TGFBRAP1: variants seen among roughly 807,000 people sequenced by gnomAD.
TGFBRAP1 encodes the protein transforming growth factor beta receptor associated protein 1, also known as transforming growth factor-beta receptor-associated protein 1.
Under a neutral mutation model 83.2 loss-of-function variants are expected in TGFBRAP1, and 20 were observed. The observed-to-expected ratio is 0.24, with a 90% CI of 0.17 to 0.35. TGFBRAP1 has a LOEUF of 0.35. TGFBRAP1 is among the 10% of genes least tolerant of loss of function. The pLI, the probability that TGFBRAP1 is intolerant of heterozygous loss-of-function variation, is 1.00. For missense variants in TGFBRAP1, 950 were observed against 1,099.4 expected (o/e 0.86, Z 1.92); for synonymous variants, 415 against 459.8 (o/e 0.90, Z 1.25).
chr2:105,254,992 G>A, the TGFBRAP1 span, among the ~76,000 whole-genome samples: 2 of 152,298 alleles, frequency 1.3e-5, no homozygotes, highest in South Asian at 4.1e-4. Context: ...TGAGAACTAA[G>A]TTTCTGTTGC....
chr2:105,252,248 GAGAGTCAC>G, the TGFBRAP1 span, among the ~76,000 whole-genome samples: 2 of 152,312 alleles, frequency 1.3e-5, no homozygotes, highest in East Asian at 3.9e-4. Flanking sequence ...ACCATAACAA[GAGAGTCAC>G]TAAGCTCACT....
chr2:105,296,639 T>G (rs1678099362), intron 3 of TGFBRAP1, 129 bp from the exon 4 acceptor site: 1 of 1,044,374 alleles, frequency 9.6e-7, no homozygotes, highest in Non-Finnish European at 1.3e-6. Context: ...TCAAAGGAAT[T>G]CCTACAAAAA....
intron 1 of TGFBRAP1, among the ~76,000 whole-genome samples, chr2:105,321,305 TAC>T (rs1026158027): frequency 5.3e-5 from 8 of 152,212 alleles, no homozygotes; most frequent in African/African-American, 1.9e-4. Context: ...TAGCTGTGAT[TAC>T]AGGCAGCCGC....
At chr2:105,310,140 G>A (rs1678645297) in intron 1 of TGFBRAP1, among the ~76,000 whole-genome samples, 4 of 152,180 alleles carry the variant, frequency 2.6e-5, no homozygotes, top group Admixed American at 2.6e-4. Context: ...TGCCTCATCT[G>A]TGAAATGAGA....
intron 4 of TGFBRAP1, among the ~76,000 whole-genome samples, chr2:105,288,738 A>T (rs999402260): frequency 5.3e-5 from 8 of 152,182 alleles, no homozygotes; most frequent in Non-Finnish European, 8.8e-5. Context: ...ATCTTTCCCG[A>T]AATATATTAG....
At chr2:105,321,564 T>C (rs994746891) in intron 1 of TGFBRAP1, among the ~76,000 whole-genome samples, 2 of 152,226 alleles carry the variant, frequency 1.3e-5, no homozygotes, top group African/African-American at 4.8e-5. Flanking sequence ...TCAATTAACC[T>C]GGATAAACAT....
Position 105,269,747 on chromosome 2 carries a change from CG to C in TGFBRAP1, c.1973-43del. The C allele has an allele frequency of 6.9e-7, 1 of 1,455,036 alleles. No individual in the cohort carries two copies. Among genetic ancestry groups the C allele is most frequent in the Non-Finnish European group, 9.0e-7 (1 of 1,106,786 alleles). The allele number at this position is 1,455,036 out of a possible 1,614,324, so 90.1% of individuals were successfully genotyped here. ...GCAGCTCAGAAAGAAAGGGGCTCGC[CG>C]GCCACCCGCCCAGCGACTGGCCTCC... On this transcript the variant is annotated intron_variant, in intron 10 of 11. Coordinates refer to ENST00000393359, the MANE Select transcript of TGFBRAP1 (RefSeq NM_004257.6). This position sits in a 1 kb window ranked among gnomAD's most constrained non-coding sequence, Gnocchi z 4.1.
At chr2:105,262,369 C>T (rs1246698822), downstream of TGFBRAP1, among the ~76,000 whole-genome samples, 1 of 152,172 alleles carries the variant, frequency 6.6e-6, no homozygotes, top group Non-Finnish European at 1.5e-5. Context: ...CTCCTCCTCA[C>T]TGTCTCTCTC....
intron 4 of TGFBRAP1, among the ~76,000 whole-genome samples, chr2:105,291,884 T>C (rs559029136): frequency 2.6e-5 from 4 of 152,188 alleles, no homozygotes; most frequent in Non-Finnish European, 5.9e-5. Context: ...GCTTTGAGCC[T>C]CTAAGCAAAA....
chr2:105,271,793 A>G (rs1677162364), intron 10 of TGFBRAP1, among the ~76,000 whole-genome samples: 1 of 152,166 alleles, frequency 6.6e-6, no homozygotes, highest in African/African-American at 2.4e-5. Context: ...GTAACCTCCC[A>G]ATCAACACTC....
chr2:105,316,203 A>G (rs903336942), intron 1 of TGFBRAP1, among the ~76,000 whole-genome samples: 2 of 152,226 alleles, frequency 1.3e-5, no homozygotes, highest in Admixed American at 6.5e-5. Context: ...AAAGGGACAC[A>G]GTGAACTTTC....
At chr2:105,281,833 G>A (rs1677547910) in intron 5 of TGFBRAP1, among the ~76,000 whole-genome samples, 1 of 151,914 alleles carries the variant, frequency 6.6e-6, no homozygotes, top group Non-Finnish European at 1.5e-5. Context: ...TGTTCCCTGG[G>A]GAACATGTGG....
intron 1 of TGFBRAP1, among the ~76,000 whole-genome samples, chr2:105,322,619 CT>C (rs1344622120): frequency 6.6e-6 from 1 of 152,100 alleles, no homozygotes; most frequent in African/African-American, 2.4e-5. Flanking sequence ...TTCTCTTGTG[CT>C]TAGAGATTCA....
At chr2:105,270,871 T>C (rs966735895) in intron 10 of TGFBRAP1, among the ~76,000 whole-genome samples, 3 of 152,256 alleles carry the variant, frequency 2.0e-5, no homozygotes, top group African/African-American at 7.2e-5. Flanking sequence ...ATCTCATTTA[T>C]ATTTGACTCC....
At chr2:105,253,541 C>T in the TGFBRAP1 span, among the ~76,000 whole-genome samples, 3 of 152,186 alleles carry the variant, frequency 2.0e-5, no homozygotes, top group Non-Finnish European at 4.4e-5. Context: ...AAGTAATCCT[C>T]CCAGCTCAGC....
intron 1 of TGFBRAP1, among the ~76,000 whole-genome samples, chr2:105,311,122 A>C (rs1339953601): frequency 6.6e-6 from 1 of 151,284 alleles, no homozygotes; most frequent in African/African-American, 2.4e-5. Flanking sequence ...GTAGATAGAG[A>C]AGGGGAGAGG....
intron 1 of TGFBRAP1, among the ~76,000 whole-genome samples, chr2:105,319,769 T>C (rs560713201): frequency 6.7e-6 from 1 of 149,734 alleles, no homozygotes; most frequent in African/African-American, 2.4e-5. Context: ...ATAATACATA[T>C]ATAAGATTTT....
intron 4 of TGFBRAP1, among the ~76,000 whole-genome samples, chr2:105,285,250 T>C (rs1677676204): frequency 6.6e-6 from 1 of 152,240 alleles, no homozygotes; most frequent in African/African-American, 2.4e-5. Context: ...CATCCTTCCA[T>C]TTGACAGCCA....
At chr2:105,250,725 T>C in the TGFBRAP1 span, among the ~76,000 whole-genome samples, 3 of 151,936 alleles carry the variant, frequency 2.0e-5, no homozygotes, top group Non-Finnish European at 4.4e-5. Flanking sequence ...ACTGTACTGC[T>C]GCCATCTCGG....
Sources: gnomAD v4.1 joint callset for allele counts (sites outside exome capture counted in the v4.1 genomes callset) on GRCh38, gnomAD v4.1.1 for gene constraint, Gnocchi (gnomAD v3.1) non-coding constraint, MANE v1.5 for transcripts, NCBI Gene and HGNC (gene_info 2026-07-23, HGNC 2026-07-21) for gene names.